The following CNBD1 variants were observed in gnomAD, a reference collection of about 807,000 sequenced individuals.
CNBD1 encodes cyclic nucleotide binding domain containing 1.
A neutral mutation model predicts 54.4 loss-of-function variants in CNBD1; 71 were observed. The observed-to-expected ratio is 1.30, with a 90% CI of 1.08 to 1.59. CNBD1 has a LOEUF of 1.59. Ranked by LOEUF, CNBD1 falls within the 40% of genes most tolerant of loss-of-function variation. The pLI is 0.00. For synonymous variants in CNBD1, 182 were observed against 170.7 expected, an observed-to-expected ratio of 1.07 and a Z score of -0.51; for missense variants, 659 against 518.0, an observed-to-expected ratio of 1.27 and a Z score of -2.64.
At chr8:86,985,426 T>C (rs1202205748) in intron 4 of CNBD1, among the ~76,000 whole-genome samples, 1 of 152,202 alleles carries the variant, frequency 6.6e-6, no homozygotes, top group Non-Finnish European at 1.5e-5. Context: ...GTTGTTTCCA[T>C]CTTTACATCC....
chr8:86,934,180 G>GT (rs1387281530), intron 3 of CNBD1, among the ~76,000 whole-genome samples: 3 of 151,862 alleles, frequency 2.0e-5, no homozygotes, highest in African/African-American at 7.3e-5. Context: ...AGCAAAGTAG[G>GT]TCCCCCATTT....
chr8:87,307,238 C>G (rs545758563), intron 8 of CNBD1, among the ~76,000 whole-genome samples: 1 of 152,202 alleles, frequency 6.6e-6, no homozygotes, highest in African/African-American at 2.4e-5. Context: ...ATTGTATAAA[C>G]AGAATTTGGA....
intron 8 of CNBD1, among the ~76,000 whole-genome samples, chr8:87,294,713 A>G (rs182957680): frequency 1.7e-3 from 252 of 152,272 alleles, no homozygotes; most frequent in Non-Finnish European, 2.9e-3. Context: ...TACTTTTGTC[A>G]TTAAAACTCA....
intron 4 of CNBD1, among the ~76,000 whole-genome samples, chr8:87,033,446 G>A (rs73275710): frequency 0.03 from 4,571 of 152,240 alleles, 236 homozygotes; most frequent in African/African-American, 0.1. Flanking sequence ...GATGAAATCA[G>A]TCCAGAAAAA....
chr8:86,967,684 A>G lies in CNBD1; in HGVS notation c.431+27930A>G, dbSNP rs140746982. On this transcript the variant is annotated intron_variant, in intron 4 of 10. Coordinates refer to ENST00000518476, the MANE Select transcript of CNBD1 (RefSeq NM_173538.3). ...TCTTATATTTTCCATCTGTTCTTGC[A>G]TGTTGCCTACTCTTTTTAATAAGGC... 7.1e-3 allele frequency among the ~76,000 whole-genome samples: 1,080 copies of G among 152,154 alleles called. 4 individuals are homozygous for G. The highest frequency in any genetic ancestry group is 0.012 in the Non-Finnish European group (807 of 68,000).
rs568727603 is a variant in CNBD1 at position 87,303,435 on chromosome 8, T to G, written c.1042+16764T>G. Among the ~76,000 whole-genome samples the G allele has an allele frequency of 2.8e-3, 419 of 151,850 alleles. 3 individuals carry two copies. The highest frequency in any genetic ancestry group is 5.4e-3 in the Non-Finnish European group (367 of 67,814). ...GTGCTGGGAAAACTGGCTAGCCATA[T>G]GTAGAAAGCTGAAACTGAATCCCTT... On this transcript the variant is annotated intron_variant, in intron 8 of 10. Coordinates refer to ENST00000518476, the MANE Select transcript of CNBD1 (RefSeq NM_173538.3).
intron 6 of CNBD1, among the ~76,000 whole-genome samples, chr8:87,284,351 T>G (rs996167379): frequency 5.9e-5 from 9 of 152,136 alleles, no homozygotes; most frequent in Admixed American, 5.9e-4. Flanking sequence ...GAAGATCATA[T>G]ATATAAGTGT....
intron 1 of CNBD1, 80 bp from the exon 2 acceptor site, chr8:86,887,461 GT>G (rs766778266): frequency 2.4e-5 from 20 of 837,310 alleles, no homozygotes; most frequent in Non-Finnish European, 3.8e-5. Context: ...TATGATGAAT[GT>G]TTGCAATTAA....
chr8:87,324,673 G>A (rs1375986692), intron 8 of CNBD1, among the ~76,000 whole-genome samples: 1 of 151,660 alleles, frequency 6.6e-6, no homozygotes, highest in Non-Finnish European at 1.5e-5. Flanking sequence ...TTTTTATTGT[G>A]TCTATTTGAT....
At chr8:86,936,570 C>G (rs1563828526) in intron 3 of CNBD1, among the ~76,000 whole-genome samples, 1 of 151,972 alleles carries the variant, frequency 6.6e-6, no homozygotes, top group South Asian at 2.1e-4. Context: ...GAAACCCCAT[C>G]TCTACTAAAA....
chr8:87,300,389 G>A (rs891160166), intron 8 of CNBD1, among the ~76,000 whole-genome samples: 19 of 151,970 alleles, frequency 1.3e-4, no homozygotes, highest in African/African-American at 4.6e-4. Flanking sequence ...ACCAGAACGA[G>A]TACCTGTTAC....
intron 4 of CNBD1, among the ~76,000 whole-genome samples, chr8:87,205,711 T>C (rs570916936): frequency 6.6e-6 from 1 of 151,022 alleles, no homozygotes; most frequent in East Asian, 1.9e-4. Context: ...CTGAGTTTTC[T>C]ATTTAAAAAG....
intron 5 of CNBD1, among the ~76,000 whole-genome samples, chr8:87,222,765 T>C (rs1338776252): frequency 1.3e-5 from 2 of 152,168 alleles, no homozygotes; most frequent in Admixed American, 6.5e-5. Context: ...ATCAAAATGA[T>C]TAATTAAACT....
At chr8:87,075,615 A>T (rs1810853228) in intron 4 of CNBD1, among the ~76,000 whole-genome samples, 1 of 151,976 alleles carries the variant, frequency 6.6e-6, no homozygotes, top group Admixed American at 6.5e-5. Flanking sequence ...TGAGTCAGGG[A>T]AGTCAATTTG....
chr8:87,276,533 G>A (rs1198507257), intron 6 of CNBD1, among the ~76,000 whole-genome samples: 1 of 151,856 alleles, frequency 6.6e-6, no homozygotes, highest in Non-Finnish European at 1.5e-5. Flanking sequence ...CAGAAATGGA[G>A]AAACGGAAGT....
intron 4 of CNBD1, among the ~76,000 whole-genome samples, chr8:86,975,389 TC>T (rs1808318341): frequency 6.6e-6 from 1 of 151,906 alleles, no homozygotes; most frequent in Non-Finnish European, 1.5e-5. Context: ...ACTGTCCCCA[TC>T]CCCACCTTCA....
rs1563465599 is a variant in CNBD1, at chr8:87,092,485, A to ATATATATACACATATG, written c.432-113507_432-113506insATATATACACATATGT. ...TGTGTGTGTGTATATATATACACAT[A>ATATATATACACATATG]TGTGTGTGTGTATATATATGTGTGT... On this transcript the variant is annotated intron_variant, in intron 4 of 10. Coordinates refer to ENST00000518476, the MANE Select transcript of CNBD1 (RefSeq NM_173538.3). Among the ~76,000 whole-genome samples, 448 of 137,638 alleles carry ATATATATACACATATG rather than the reference A, an allele frequency of 3.3e-3. 15 individuals carry two copies. Among genetic ancestry groups the ATATATATACACATATG allele is most frequent in the African/African-American group, 0.013 (421 of 33,406 alleles). 90.3% of individuals were successfully genotyped at this position (137,638 alleles called of 152,430 possible). A position where few individuals can be genotyped will look rare whatever the true frequency, so the allele number is the denominator to read the frequency against.
chr8:87,266,438 CTTTTTTTTTTTTTTT>C (rs72293236), intron 6 of CNBD1, among the ~76,000 whole-genome samples: 3 of 50,120 alleles, frequency 6.0e-5, no homozygotes, highest in Non-Finnish European at 9.9e-5. Context: ...AAAAAAAAAT[CTTTTTTTTTTTTTTT>C]TTTTTTTTTT....
At chr8:87,160,473 G>T (rs1812833542) in intron 4 of CNBD1, among the ~76,000 whole-genome samples, 1 of 152,060 alleles carries the variant, frequency 6.6e-6, no homozygotes. Flanking sequence ...GTTTGTTTCA[G>T]AGTAGCATTT....
Sources: gnomAD v4.1 joint callset for allele counts (sites outside exome capture counted in the v4.1 genomes callset) on GRCh38, gnomAD v4.1.1 for gene constraint, MANE v1.5 for transcripts, NCBI Gene and HGNC (gene_info 2026-07-23, HGNC 2026-07-21) for gene names.